The following DNAH9 variants were observed in gnomAD, a reference collection of about 807,000 sequenced individuals.
DNAH9 encodes the protein DNAH9 variant protein.
Under a neutral mutation model 471.6 loss-of-function variants are expected in DNAH9, and 345 were observed. The observed-to-expected ratio is 0.73, with a 90% confidence interval of 0.67 to 0.80. The LOEUF (loss-of-function observed/expected upper bound fraction) is 0.80. Among genes scored for constraint, DNAH9 ranks in the 30% least tolerant of loss-of-function variants. DNAH9 has a pLI of 0.00. For synonymous variants in DNAH9, 2,093 were observed against 2,123.6 expected, an observed-to-expected ratio of 0.99 and a Z score of 0.40; for missense variants, 5,407 against 5,609.2, an observed-to-expected ratio of 0.96 and a Z score of 1.15.
chr17:11,868,073 T>A (rs1179223392), intron 50 of DNAH9, among the ~76,000 whole-genome samples: 2 of 152,202 alleles, frequency 1.3e-5, no homozygotes, highest in African/African-American at 2.4e-5. Context: ...TCTTCAACAG[T>A]GTGGTCCTCC....
At chr17:11,819,996 T>C (rs1031808678) in intron 45 of DNAH9, among the ~76,000 whole-genome samples, 1 of 152,148 alleles carries the variant, frequency 6.6e-6, no homozygotes, top group Non-Finnish European at 1.5e-5. Flanking sequence ...GAAAACACAA[T>C]AGCAATCATT....
chr17:11,902,722 C>T lies in DNAH9; in HGVS notation c.11410C>T (p.Leu3804Phe), dbSNP rs774925973. The change falls in exon 60 of 69, where the codon CTT becomes TTT. Residue 3804 changes from leucine to phenylalanine, a missense_variant. Coordinates refer to ENST00000262442, the MANE Select transcript of DNAH9 (RefSeq NM_001372.4). ...SHQAWGAVKV[L>F]SSMEEFSNLD... ...CAGATTCTCTGAAATTTCCCAGGTA[C>T]TTTCATCAATGGAAGAATTCTCTAA... The T allele has an allele frequency of 1.2e-6, 2 of 1,607,726 alleles. No individual in the cohort carries two copies. The highest frequency in any genetic ancestry group is 4.5e-5 in the East Asian group (2 of 44,826).
chr17:11,900,363 C>G (rs902100528), intron 59 of DNAH9, among the ~76,000 whole-genome samples: 1 of 151,874 alleles, frequency 6.6e-6, no homozygotes. Context: ...CTGCAAGCCC[C>G]GGTCACATGC....
chr17:11,905,721 A>G lies in DNAH9; in HGVS notation c.11661A>G (p.Ala3887=). The change falls in exon 61 of 69, where the codon GCA becomes GCG. Residue 3887 remains alanine, a synonymous_variant. Coordinates refer to ENST00000262442, the MANE Select transcript of DNAH9 (RefSeq NM_001372.4). ...TGGTGGGAAGAGCCCTAGATTTTGC[A>G]ACCTCATTTGAAGAATCGGGACCAG... ...KYVVGRALDF[A]TSFEESGPAT... 1 of 1,614,130 alleles carries G rather than the reference A, an allele frequency of 6.2e-7. No individual in the cohort carries two copies. The highest frequency in any genetic ancestry group is 8.5e-7 in the Non-Finnish European group (1 of 1,180,028).
intron 58 of DNAH9, among the ~76,000 whole-genome samples, chr17:11,893,193 A>T (rs2151005293): frequency 6.6e-6 from 1 of 151,494 alleles, no homozygotes; most frequent in East Asian, 1.9e-4. Context: ...AAAAAAAAAA[A>T]AATGTGGGCC....
intron 67 of DNAH9, among the ~76,000 whole-genome samples, chr17:11,959,987 C>G (rs372852346): frequency 2.6e-5 from 4 of 152,194 alleles, no homozygotes; most frequent in African/African-American, 9.7e-5. Context: ...CCAGACACTA[C>G]AGTCTAGAAA....
rs189015914 is a variant in DNAH9, at chr17:11,937,174, G to A, written c.12490-178G>A. ...GGAAACGGGTCCAGCCGACAAAAAT[G>A]GATGATGTCAAGGTGCACTAATAGG... On this transcript the variant is annotated intron_variant, in intron 65 of 68. Coordinates refer to ENST00000262442, the MANE Select transcript of DNAH9 (RefSeq NM_001372.4). The surrounding 1 kb of genome is among the most constrained non-coding windows in gnomAD (Gnocchi z 4.1). 1.4e-3 allele frequency among the ~76,000 whole-genome samples: 215 copies of A among 152,280 alleles called. 1 individual carries two copies. The highest frequency in any genetic ancestry group is 4.3e-3 in the African/African-American group (177 of 41,554).
At chr17:11,616,089 G>T (rs556232740) in intron 4 of DNAH9, among the ~76,000 whole-genome samples, 1 of 152,254 alleles carries the variant, frequency 6.6e-6, no homozygotes, top group East Asian at 1.9e-4. Context: ...TGAAGCCAAG[G>T]GTTCAATGTA....
rs577577010 is a variant in DNAH9, at chr17:11,834,642, A to G, written c.9251A>G (p.Asp3084Gly). The G allele has an allele frequency of 4.3e-6, 7 of 1,613,878 alleles. No homozygotes were observed. In the East Asian group the frequency reaches 1.6e-4, roughly 36 times the overall value. ...TCCCGTGCTTCTCCAATGCAGGTGG[A>G]TGATCTGAAAGCAAAGCTGGCTGCC... ...LKLHSTSAQV[D>G]DLKAKLAAQE... The change falls in exon 49 of 69, where the codon GAT becomes GGT. Residue 3084 changes from aspartate (D) to glycine (G), a missense_variant. Physicochemically the swap from Asp to Gly is moderately conservative, Grantham distance 94. This residue lies in a region of DNAH9 where 4,636 missense variants were observed against 4,900.3 expected (regional missense o/e 0.95). Coordinates refer to ENST00000262442, the MANE Select transcript of DNAH9 (RefSeq NM_001372.4).
chr17:11,909,795 G>A (rs1278340952), intron 61 of DNAH9, among the ~76,000 whole-genome samples: 1 of 152,012 alleles, frequency 6.6e-6, no homozygotes, highest in Non-Finnish European at 1.5e-5. Context: ...TTTAAAGTGT[G>A]CAATTCAAAG....
Position 11,719,400 on chromosome 17 carries a change from C to T in DNAH9, c.5619C>T (p.Gly1873=). ...GTGGGGCTCCCGCAGGACCTGCAGG[C>T]ACAGGCAAGACCGAGACCACCAAGG... ...TMSGAPAGPA[G]TGKTETTKDL... The change falls in exon 27 of 69, where the codon GGC becomes GGT. Residue 1873 remains glycine, a synonymous_variant. Coordinates refer to ENST00000262442, the MANE Select transcript of DNAH9 (RefSeq NM_001372.4). 6.2e-7 allele frequency: 1 copy of T among 1,614,010 alleles called. No homozygotes were observed. The highest frequency in any genetic ancestry group is 8.5e-7 in the Non-Finnish European group (1 of 1,179,966).
At chr17:11,613,225 C>G (rs920390265) in intron 4 of DNAH9, among the ~76,000 whole-genome samples, 1 of 152,154 alleles carries the variant, frequency 6.6e-6, no homozygotes, top group East Asian at 1.9e-4. Flanking sequence ...GAGGAATCAG[C>G]TTTTGTTCCC....
chr17:11,842,787 G>A (rs891742976), intron 49 of DNAH9, among the ~76,000 whole-genome samples: 4 of 152,114 alleles, frequency 2.6e-5, no homozygotes, highest in Admixed American at 2.0e-4. Context: ...CTGATTAAAC[G>A]GTGCCCACCC....
chr17:11,669,354 T>C lies in DNAH9; in HGVS notation c.2929-16T>C. On this transcript the variant is annotated splice_polypyrimidine_tract_variant and intron_variant, in intron 16 of 68. Transcript: ENST00000262442. ...CACACTGGTGTAACCTGCCTGCCGT[T>C]GTCTCGCTTCCCCAGGTCGACCTGG... The C allele has an allele frequency of 6.2e-7, 1 of 1,604,378 alleles. No homozygotes were observed. The highest frequency in any genetic ancestry group is 1.1e-5 in the South Asian group (1 of 89,424).
intron 59 of DNAH9, among the ~76,000 whole-genome samples, chr17:11,898,818 A>G (rs2151010044): frequency 1.3e-5 from 2 of 152,386 alleles, no homozygotes; most frequent in South Asian, 4.1e-4. Flanking sequence ...CTTTCATTTT[A>G]CAAAGCTCAA....
intron 17 of DNAH9, among the ~76,000 whole-genome samples, chr17:11,675,004 GA>G (rs146732815): frequency 0.14 from 21,225 of 151,830 alleles, 1,636 homozygotes; most frequent in Middle Eastern, 0.19. Flanking sequence ...GTTTGTAGAA[GA>G]AAAAAATCTT....
intron 48 of DNAH9, among the ~76,000 whole-genome samples, chr17:11,826,363 G>GA (rs938368455): frequency 3.4e-4 from 51 of 151,336 alleles, no homozygotes; most frequent in African/African-American, 1.2e-3. Flanking sequence ...GAAGCTGGGG[G>GA]GGTAATTTTA....
intron 48 of DNAH9, among the ~76,000 whole-genome samples, chr17:11,827,897 G>T (rs1970551511): frequency 6.6e-6 from 1 of 151,998 alleles, no homozygotes; most frequent in South Asian, 2.1e-4. Context: ...TATTGGTCAG[G>T]CTGGTCTCGA....
In DNAH9 at chr17:11,858,380, T is replaced by A. The variant is rs117323466; in HGVS notation, c.9933+3952T>A. Among the ~76,000 whole-genome samples, 964 of 152,324 alleles carry A rather than the reference T, an allele frequency of 6.3e-3. 1 individual carries two copies. Among genetic ancestry groups the A allele is most frequent in the Non-Finnish European group, 1.0e-2 (679 of 68,018 alleles). ...CCACGCAGTCTATTTGCAGATGATT[T>A]AATTAATTGCCAATATTTAAAATAG... On this transcript the variant is annotated intron_variant, in intron 50 of 68. Coordinates refer to ENST00000262442, the MANE Select transcript of DNAH9 (RefSeq NM_001372.4).
Sources: allele counts gnomAD v4.1 joint callset (sites outside exome capture counted in the v4.1 genomes callset), GRCh38; gene constraint gnomAD v4.1.1; regional missense constraint gnomAD v4.1.1; non-coding constraint Gnocchi (gnomAD v3.1); transcripts MANE v1.5; gene names NCBI Gene and HGNC (gene_info 2026-07-23, HGNC 2026-07-21).